DCAF11: variants seen among roughly 807,000 people sequenced by gnomAD.
The protein encoded by DCAF11 is DDB1 and CUL4 associated factor 11.
DCAF11 carries 44 observed loss-of-function variants against 76.1 expected under a neutral mutation model. The observed-to-expected ratio is 0.58, with a 90% CI of 0.45 to 0.74. The LOEUF is 0.74. Among genes scored for constraint, DCAF11 ranks in the 30% least tolerant of loss-of-function variants. DCAF11 has a pLI of 0.00. For missense variants in DCAF11, 604 were observed against 709.4 expected (o/e 0.85, Z 1.69); for synonymous variants, 258 against 255.0 (o/e 1.01, Z -0.11).
At position 24,117,521 on chromosome 14, in the gene DCAF11, C is replaced by G; in HGVS notation, c.411+128C>G. ...TCAAGCGCTGGGGCTGGAGAGTTAA[C>G]CAGCCTCCATCGGAGTTCTGTGGGA... On this transcript the variant is annotated intron_variant, in intron 4 of 14. Transcript: ENST00000446197. This position sits in a 1 kb window ranked among gnomAD's most constrained non-coding sequence, Gnocchi z 4.3. 4 of 1,533,406 alleles carry G rather than the reference C, an allele frequency of 2.6e-6. No homozygotes were observed. Among genetic ancestry groups the G allele is most frequent in the Middle Eastern group, 1.8e-4 (1 of 5,670 alleles). The allele number at this position is 1,533,406 out of a possible 1,614,324, so 95.0% of individuals were successfully genotyped here.
chr14:24,116,740 G>C (rs2037581372), intron 2 of DCAF11, among the ~76,000 whole-genome samples, 177 bp from the exon 3 acceptor site: 1 of 152,158 alleles, frequency 6.6e-6, no homozygotes, highest in Admixed American at 6.5e-5. Flanking sequence ...TGCTGTAAGA[G>C]TAAAACTCTC....
In DCAF11 at chr14:24,118,782, A is replaced by G; in HGVS notation, c.757A>G (p.Thr253Ala). ...CTGCAATATCTATGGTGAGGGAGAT[A>G]CACACACTGCCCTGGATCTCAGGTA... ...HICNIYGEGD[T>A]HTALDLRPDE... Residue 253 changes from threonine (T) to alanine (A), a missense_variant, in exon 8 of 15, where the codon ACA becomes GCA. Transcript: ENST00000446197. 1 of 1,614,142 alleles carries G rather than the reference A, an allele frequency of 6.2e-7. No homozygotes were observed. Among genetic ancestry groups the G allele is most frequent in the East Asian group, 2.2e-5 (1 of 44,880 alleles).
At chr14:24,119,686 A>AT (rs1214805362) in intron 10 of DCAF11, 25 bp from the exon 11 acceptor site, 34 of 1,614,066 alleles carry the variant, frequency 2.1e-5, no homozygotes, top group Non-Finnish European at 2.8e-5. Flanking sequence ...AAGAGGTCTT[A>AT]TATCCTGGCC....
At chr14:24,120,397 A>G (rs2037669026) in intron 11 of DCAF11, among the ~76,000 whole-genome samples, 1 of 152,048 alleles carries the variant, frequency 6.6e-6, no homozygotes, top group Non-Finnish European at 1.5e-5. Context: ...TCTACTAAAC[A>G]TACAAAAAAA....
Position 24,115,665 on chromosome 14 carries a change from G to T in DCAF11, c.71G>T (p.Gly24Val). 1 of 1,613,862 alleles carries T rather than the reference G, an allele frequency of 6.2e-7. No individual in the cohort carries two copies. Among genetic ancestry groups the T allele is most frequent in the Non-Finnish European group, 8.5e-7 (1 of 1,179,980 alleles). ...GDPSEGLPRR[G>V]AGLRRSEEEE... ...CCCTCCGAGGGCTTGCCCCGAAGAG[G>T]GGCTGGCCTGCGTCGGAGTGAGGAA... Residue 24 changes from glycine (G) to valine (V), a missense_variant, in exon 2 of 15, where the codon GGG (glycine) becomes GTG (valine). Gly to Val is a moderately radical substitution (Grantham distance 109). Transcript: ENST00000446197.
Position 24,123,562 on chromosome 14 carries a change from G to T in DCAF11, c.*253G>T. On this transcript the variant is annotated 3_prime_UTR_variant, in exon 15 of 15. Coordinates refer to ENST00000446197, the MANE Select transcript of DCAF11 (RefSeq NM_025230.5). ...GTTTGGCAGGACTGCCATTATCTGG[G>T]GTGTGGCCTCTGCCAGCAAGAGAAG... 2.2e-6 allele frequency: 1 copy of T among 455,474 alleles called. No individual in the cohort carries two copies. Among genetic ancestry groups the T allele is most frequent in the Non-Finnish European group, 3.7e-6 (1 of 270,420 alleles). The allele number at this position is 455,474 out of a possible 1,614,324, so 28.2% of individuals were successfully genotyped here.
At chr14:24,118,021 A>C in intron 5 of DCAF11, 34 bp from the exon 6 acceptor site, 11 of 1,342,530 alleles carry the variant, frequency 8.2e-6, no homozygotes, top group South Asian at 1.2e-5. Context: ...TATCCTGAGC[A>C]CCCCTCACCC....
Position 24,122,986 on chromosome 14 carries a change from G to A in DCAF11, c.1415G>A (p.Ser472Asn), listed in dbSNP as rs1284997270. The A allele has an allele frequency of 8.1e-6, 13 of 1,614,066 alleles. No homozygotes were observed. The highest frequency in any genetic ancestry group is 6.7e-5 in the Admixed American group (4 of 60,008). The change falls in exon 14 of 15, where the codon AGT becomes AAT. Residue 472 changes from serine (S) to asparagine (N), a missense_variant. Physicochemically the swap from Ser to Asn is conservative, Grantham distance 46. Transcript: ENST00000446197. ...TCCTGGACAGTGTACGACCTTCTAA[G>A]TGGCCACATTGTGAAGAAGCTGACC... is the stretch of plus-strand genomic sequence containing the variant. ...TGKVVVYDLL[S>N]GHIVKKLTNH...
At chr14:24,116,034 G>C (rs2139009549) in intron 2 of DCAF11, among the ~76,000 whole-genome samples, 1 of 149,680 alleles carries the variant, frequency 6.7e-6, no homozygotes, top group Non-Finnish European at 1.5e-5. Context: ...TATTTTCCAA[G>C]TAAGCTTGAA....
rs975585967 is a variant in DCAF11, at chr14:24,124,686, G to C, written c.*1377G>C. ...TTTGGGAAGCCAAAGCTGATGGATCGCTTGAGCCCAGGAGTTTGAGACCAG... is the reference window on the plus strand; with the variant it reads ...TTTGGGAAGCCAAAGCTGATGGATCCCTTGAGCCCAGGAGTTTGAGACCAG... On this transcript the variant is annotated 3_prime_UTR_variant, in exon 15 of 15. Coordinates refer to ENST00000446197, the MANE Select transcript of DCAF11 (RefSeq NM_025230.5). 1 of 152,390 alleles carries C rather than the reference G, an allele frequency of 6.6e-6. No homozygotes were observed. Among genetic ancestry groups the C allele is most frequent in the South Asian group, 2.1e-4 (1 of 4,834 alleles). The allele number at this position is 152,390 out of a possible 1,614,324, so 9.4% of individuals were successfully genotyped here. A position where few individuals can be genotyped will look rare whatever the true frequency, so the allele number is the denominator to read the frequency against.
rs1301526048 is a variant in DCAF11 at position 24,123,238 on chromosome 14, G to C, written c.1570G>C (p.Glu524Gln). 1 of 1,573,234 alleles carries C rather than the reference G, an allele frequency of 6.4e-7. No homozygotes were observed. The highest frequency in any genetic ancestry group is 1.2e-5 in the South Asian group (1 of 83,154). The change falls in exon 15 of 15, where the codon GAA becomes CAA. Residue 524 changes from glutamate to glutamine, a missense_variant. Coordinates refer to ENST00000446197, the MANE Select transcript of DCAF11 (RefSeq NM_025230.5). ...QAEYFQDDMPESEECASAPAP... is the reference protein window; with the variant it reads ...QAEYFQDDMPQSEECASAPAP... ...TGAGTACTTCCAGGATGACATGCCA[G>C]AATCTGAGGAATGTGCCAGCGCCCC...
rs1243056623 is a variant in DCAF11 at position 24,124,724 on chromosome 14, G to A, written c.*1415G>A. 1.3e-5 allele frequency: 2 copies of A among 152,332 alleles called. No homozygotes were observed. The highest frequency in any genetic ancestry group is 6.5e-5 in the Admixed American group (1 of 15,282). 9.4% of individuals were successfully genotyped at this position (152,332 alleles called of 1,614,324 possible). On this transcript the variant is annotated 3_prime_UTR_variant, in exon 15 of 15. Coordinates refer to ENST00000446197, the MANE Select transcript of DCAF11 (RefSeq NM_025230.5). ...AGTTTGAGACCAGCCTGGGCAACAT[G>A]GCAAAACCCCATCTCTACAAAAAAT... is the stretch of plus-strand genomic sequence containing the variant.
In DCAF11 at chr14:24,116,989, G is replaced by A. The variant is rs1396810163; in HGVS notation, c.228G>A (p.Glu76=). ...TCATTCAGGCCCTCTTGGACTCAGA[G>A]GAAGAGAATGACAGAGCTTGGGATG... ...LQFIQALLDS[E]EENDRAWDGR... The change falls in exon 3 of 15, where the codon GAG becomes GAA. Residue 76 remains glutamate (E), a synonymous_variant. Transcript: ENST00000446197. 3 of 1,614,084 alleles carry A rather than the reference G, an allele frequency of 1.9e-6. No individual in the cohort carries two copies. In the African/African-American group the frequency reaches 4.0e-5, roughly 22 times the overall value.
chr14:24,115,063 A>G lies in DCAF11; in HGVS notation c.-444A>G. Reference sequence around the variant, plus strand: ...AAGGAGGGGTGTTAGGCCAAATTCTATTTTCATTGGCTGTCACTGCTGCCG... The same window carrying G: ...AAGGAGGGGTGTTAGGCCAAATTCTGTTTTCATTGGCTGTCACTGCTGCCG... On this transcript the variant is annotated 5_prime_UTR_variant, in exon 1 of 15. Coordinates refer to ENST00000446197, the MANE Select transcript of DCAF11 (RefSeq NM_025230.5). 1 of 974,752 alleles carries G rather than the reference A, an allele frequency of 1.0e-6. No individual in the cohort carries two copies. The highest frequency in any genetic ancestry group is 1.2e-6 in the Non-Finnish European group (1 of 820,046). The allele number at this position is 974,752 out of a possible 1,614,324, so 60.4% of individuals were successfully genotyped here.
Position 24,123,342 on chromosome 14 carries a change from C to T in DCAF11, c.*33C>T. The T allele has an allele frequency of 6.6e-7, 1 of 1,503,936 alleles. No homozygotes were observed. The highest frequency in any genetic ancestry group is 8.9e-7 in the Non-Finnish European group (1 of 1,125,884). 93.2% of individuals were successfully genotyped at this position (1,503,936 alleles called of 1,614,324 possible). On this transcript the variant is annotated 3_prime_UTR_variant, in exon 15 of 15. Coordinates refer to ENST00000446197, the MANE Select transcript of DCAF11 (RefSeq NM_025230.5). ...CTCCAGCCCCATATAGGGTGAACCT[C>T]TTGATAAGCTCTCTGCCTCCTCCTC...
At chr14:24,120,770 G>T in intron 11 of DCAF11, 68 bp from the exon 12 acceptor site, 1 of 1,578,760 alleles carries the variant, frequency 6.3e-7, no homozygotes, top group Non-Finnish European at 8.6e-7. Flanking sequence ...CTAGAGAACG[G>T]GAACTAGACT....
intron 13 of DCAF11, 181 bp downstream of exon 13, chr14:24,121,698 A>G (rs2037693765): frequency 1.5e-6 from 1 of 677,266 alleles, no homozygotes; most frequent in Non-Finnish European, 2.4e-6. Context: ...TTTTAAATTA[A>G]GAAAAGGAAC....
chr14:24,123,243 T>C lies in DCAF11; in HGVS notation c.1575T>C (p.Ser525=). ...AEYFQDDMPE[S]EECASAPAPV... is the part of the protein sequence containing the mutation. Reference sequence around the variant, plus strand: ...ACTTCCAGGATGACATGCCAGAATCTGAGGAATGTGCCAGCGCCCCTGCCC... The same window carrying C: ...ACTTCCAGGATGACATGCCAGAATCCGAGGAATGTGCCAGCGCCCCTGCCC... The change falls in exon 15 of 15, where the codon TCT becomes TCC. Residue 525 remains serine, a synonymous_variant. Transcript: ENST00000446197. The C allele has an allele frequency of 6.4e-7, 1 of 1,571,730 alleles. No individual in the cohort carries two copies. The highest frequency in any genetic ancestry group is 8.6e-7 in the Non-Finnish European group (1 of 1,157,404).
chr14:24,121,053 C>T (rs1274275550), intron 12 of DCAF11, 62 bp downstream of exon 12: 1 of 1,589,388 alleles, frequency 6.3e-7, no homozygotes, highest in Non-Finnish European at 8.6e-7. Flanking sequence ...GGAGGACCTC[C>T]CCCTCAGCCC....
Sources: allele counts gnomAD v4.1 joint callset (sites outside exome capture counted in the v4.1 genomes callset), GRCh38; gene constraint gnomAD v4.1.1; non-coding constraint Gnocchi (gnomAD v3.1); transcripts MANE v1.5; gene names NCBI Gene and HGNC (gene_info 2026-07-23, HGNC 2026-07-21).